The following CRY1 variants were observed in gnomAD, a reference collection of about 807,000 sequenced individuals.
CRY1 encodes the protein cryptochrome-1.
In CRY1, 45 loss-of-function variants were observed where a neutral mutation model predicts 76.0. That is an observed-to-expected ratio of 0.59 (90% CI 0.47 to 0.76). The LOEUF (loss-of-function observed/expected upper bound fraction) is 0.76. CRY1 is among the 30% of genes least tolerant of loss of function. CRY1 has a pLI of 0.00. For synonymous variants in CRY1, 248 were observed against 244.0 expected (o/e 1.02, Z -0.15); for missense variants, 587 against 716.4 (o/e 0.82, Z 2.06).
At chr12:106,997,838 TTTAAGCATTGA>T in intron 8 of CRY1, 66 bp downstream of exon 8, 2 of 1,565,348 alleles carry the variant, frequency 1.3e-6, no homozygotes, top group South Asian at 2.4e-5. Flanking sequence ...TGGGGAATAC[TTTAAGCATTGA>T]TTAAACATGA....
At chr12:107,060,074 T>C (rs755548193) in intron 1 of CRY1, among the ~76,000 whole-genome samples, 1 of 152,232 alleles carries the variant, frequency 6.6e-6, no homozygotes, top group Non-Finnish European at 1.5e-5. Context: ...AATATTGATA[T>C]TATATGCGTT....
intron 1 of CRY1, among the ~76,000 whole-genome samples, chr12:107,072,194 T>C (rs114605393): frequency 0.027 from 4,072 of 152,296 alleles, 70 homozygotes; most frequent in African/African-American, 0.053. Context: ...TGCAAAGATA[T>C]CTATTTTTTA....
intron 1 of CRY1, among the ~76,000 whole-genome samples, chr12:107,055,534 T>C (rs1398353122): frequency 6.6e-6 from 1 of 152,110 alleles, no homozygotes; most frequent in Non-Finnish European, 1.5e-5. Flanking sequence ...GCTAACTCCA[T>C]TTCAATAAGT....
intron 1 of CRY1, among the ~76,000 whole-genome samples, chr12:107,045,441 T>G (rs542486999): frequency 6.6e-6 from 1 of 152,230 alleles, no homozygotes; most frequent in African/African-American, 2.4e-5. Context: ...GGGTGGATCA[T>G]GAGGTCAAGA....
intron 1 of CRY1, among the ~76,000 whole-genome samples, chr12:107,023,522 G>A (rs190178162): frequency 1.1e-4 from 16 of 152,132 alleles, no homozygotes; most frequent in Non-Finnish European, 1.9e-4. Context: ...TACACATTCC[G>A]ATACCATCAT....
chr12:107,051,889 T>C (rs559434460), intron 1 of CRY1, among the ~76,000 whole-genome samples: 1 of 152,224 alleles, frequency 6.6e-6, no homozygotes, highest in East Asian at 1.9e-4. Flanking sequence ...GAACATCTAC[T>C]TGGGGACTTT....
At position 107,000,541 on chromosome 12, in the gene CRY1, G is replaced by A. The variant is rs1179149990; in HGVS notation, c.685-459C>T. Among the ~76,000 whole-genome samples, 5 of 152,094 alleles carry A rather than the reference G, an allele frequency of 3.3e-5. No homozygotes were observed. The East Asian group carries it at 7.7e-4, about 23-fold the overall frequency. ...ATTTTTGTATTTTTAGTAGGGATGG[G>A]ATTTCACCATGTTGGCCAGGCTGGT... is the stretch of plus-strand genomic sequence containing the variant. On this transcript the variant is annotated intron_variant, in intron 5 of 12. Coordinates refer to ENST00000008527, the MANE Select transcript of CRY1 (RefSeq NM_004075.5).
At position 106,999,696 on chromosome 12, in the gene CRY1, G is replaced by C. The variant is rs763726526; in HGVS notation, c.992C>G (p.Ala331Gly). 6.2e-7 allele frequency: 1 copy of C among 1,614,094 alleles called. No homozygotes were observed. Among genetic ancestry groups the C allele is most frequent in the African/African-American group, 1.3e-5 (1 of 74,934 alleles). The change falls in exon 7 of 13, where the codon GCG (alanine) becomes GGG (glycine). Residue 331 changes from alanine to glycine, a missense_variant. Physicochemically the swap from Ala to Gly is moderately conservative, Grantham distance 60. Transcript: ENST00000008527. ...CCATGGAAAGCCTGTCCGGCCTTCCGCCCATTTGGCTAAAGCCTCAGGATT... is the reference window on the plus strand; with the variant it reads ...CCATGGAAAGCCTGTCCGGCCTTCCCCCCATTTGGCTAAAGCCTCAGGATT... ...DKNPEALAKW[A>G]EGRTGFPWID...
intron 1 of CRY1, among the ~76,000 whole-genome samples, chr12:107,025,532 C>T (rs1002095427): frequency 6.6e-6 from 1 of 152,134 alleles, no homozygotes; most frequent in Non-Finnish European, 1.5e-5. Flanking sequence ...ATATGCGAAG[C>T]TCTTAGAATA....
At chr12:106,998,671 C>CAA (rs1228603706) in intron 7 of CRY1, among the ~76,000 whole-genome samples, 3 of 151,448 alleles carry the variant, frequency 2.0e-5, no homozygotes, top group East Asian at 3.9e-4. Flanking sequence ...CACACACACA[C>CAA]ACACACACAC....
At chr12:107,076,159 T>G (rs375901939) in intron 1 of CRY1, among the ~76,000 whole-genome samples, 2 of 151,678 alleles carry the variant, frequency 1.3e-5, no homozygotes, top group African/African-American at 4.8e-5. Flanking sequence ...AGAATAAATG[T>G]GGATAAAGAA....
intron 1 of CRY1, among the ~76,000 whole-genome samples, chr12:107,082,841 G>C (rs1021783819): frequency 1.3e-5 from 2 of 152,038 alleles, no homozygotes; most frequent in Admixed American, 1.3e-4. Flanking sequence ...AAATAACTAA[G>C]ATCGGAGCAA....
intron 4 of CRY1, 49 bp from the exon 5 acceptor site, chr12:107,001,417 A>G (rs746587793): frequency 6.8e-7 from 1 of 1,463,218 alleles, no homozygotes; most frequent in Non-Finnish European, 9.4e-7. Flanking sequence ...ACTAATTTTT[A>G]TTTAACCCCA....
intron 1 of CRY1, among the ~76,000 whole-genome samples, chr12:107,046,799 T>C (rs542922617): frequency 2.0e-5 from 3 of 152,290 alleles, no homozygotes; most frequent in Admixed American, 6.5e-5. Flanking sequence ...AAGCTCATAA[T>C]ATAATGATAA....
At chr12:107,067,184 G>A (rs145591436) in intron 1 of CRY1, among the ~76,000 whole-genome samples, 4,153 of 152,192 alleles carry the variant, frequency 0.027, 70 homozygotes, top group Middle Eastern at 0.041. Flanking sequence ...GTTAAGAAAG[G>A]CTTTTAATTT....
At chr12:107,009,555 C>T (rs1252257681) in intron 2 of CRY1, among the ~76,000 whole-genome samples, 1 of 32,154 alleles carries the variant, frequency 3.1e-5, no homozygotes, top group South Asian at 1.4e-3. Context: ...AACAAAAAAA[C>T]AAAAAAACAT....
Position 107,093,017 on chromosome 12 carries a change from C to A in CRY1, c.-56G>T. The A allele has an allele frequency of 6.9e-7, 1 of 1,456,376 alleles. No individual in the cohort carries two copies. Among genetic ancestry groups the A allele is most frequent in the Non-Finnish European group, 9.0e-7 (1 of 1,108,878 alleles). 90.2% of individuals were successfully genotyped at this position (1,456,376 alleles called of 1,614,324 possible). On this transcript the variant is annotated 5_prime_UTR_variant, in exon 1 of 13. The change abolishes an upstream ATG in the 5' untranslated region. Coordinates refer to ENST00000008527, the MANE Select transcript of CRY1 (RefSeq NM_004075.5). ...AAATTCAAGGAAGGAGGCTCCGGCTCATAGCCGACACCTTCGCTTCCAAGA... is the reference window on the plus strand; with the variant it reads ...AAATTCAAGGAAGGAGGCTCCGGCTAATAGCCGACACCTTCGCTTCCAAGA...
chr12:106,994,767 T>C (rs1052904911), intron 10 of CRY1, among the ~76,000 whole-genome samples: 3 of 152,184 alleles, frequency 2.0e-5, no homozygotes, highest in Admixed American at 2.0e-4. Flanking sequence ...TCCTAGCCCA[T>C]TGCTACCTGC....
intron 2 of CRY1, among the ~76,000 whole-genome samples, chr12:107,020,332 A>T (rs1029615455): frequency 4.6e-5 from 7 of 152,218 alleles, no homozygotes; most frequent in Non-Finnish European, 8.8e-5. Context: ...GAATCAAATG[A>T]TTCAAGAAAA....
Sources: allele counts gnomAD v4.1 joint callset (sites outside exome capture counted in the v4.1 genomes callset), GRCh38; gene constraint gnomAD v4.1.1; transcripts MANE v1.5; gene names NCBI Gene and HGNC (gene_info 2026-07-23, HGNC 2026-07-21).